AGMO: variants seen among roughly 807,000 people sequenced by gnomAD.
AGMO encodes the protein alkylglycerol monooxygenase, also known as glyceryl-ether monooxygenase.
In AGMO, 75 loss-of-function variants were observed where a neutral mutation model predicts 60.2. The ratio of observed to expected loss-of-function variants is 1.25; its 90% CI spans 1.03 to 1.51. The LOEUF is 1.51. AGMO is among the 40% of genes most tolerant of loss of function. AGMO has a pLI of 0.00. For synonymous variants in AGMO, 261 were observed against 177.1 expected (o/e 1.47, Z -3.76); for missense variants, 763 against 525.5 (o/e 1.45, Z -4.42).
chr7:15,406,291 T>C (rs1259268225), intron 5 of AGMO, among the ~76,000 whole-genome samples: 2 of 144,492 alleles, frequency 1.4e-5, no homozygotes, highest in Non-Finnish European at 3.0e-5. Context: ...CATATGTGTG[T>C]ATATATATGG....
At chr7:15,121,131 G>A in the AGMO span, among the ~76,000 whole-genome samples, 1 of 152,122 alleles carries the variant, frequency 6.6e-6, no homozygotes, top group Non-Finnish European at 1.5e-5. Flanking sequence ...CTTCATCCAT[G>A]TCCCTGCAAG....
intron 3 of AGMO, among the ~76,000 whole-genome samples, chr7:15,533,911 A>T (rs1051051400): frequency 6.6e-5 from 10 of 152,100 alleles, no homozygotes; most frequent in Admixed American, 2.0e-4. Context: ...TTAAAAGATG[A>T]TGTAGCACAA....
At chr7:15,262,451 A>G (rs1002237364) in intron 12 of AGMO, among the ~76,000 whole-genome samples, 1 of 152,124 alleles carries the variant, frequency 6.6e-6, no homozygotes, top group Non-Finnish European at 1.5e-5. Context: ...AAGAAAAACT[A>G]CAAGACACTG....
At chr7:15,478,353 G>C (rs1037352154) in intron 3 of AGMO, among the ~76,000 whole-genome samples, 2 of 151,986 alleles carry the variant, frequency 1.3e-5, no homozygotes, top group Non-Finnish European at 2.9e-5. Flanking sequence ...AATCTCCAAG[G>C]GTCTTTCTTT....
At chr7:15,172,173 C>T in the AGMO span, among the ~76,000 whole-genome samples, 1 of 152,140 alleles carries the variant, frequency 6.6e-6, no homozygotes, top group South Asian at 2.1e-4. Context: ...CTGAGGGTGT[C>T]CCATCCTCAG....
intron 3 of AGMO, among the ~76,000 whole-genome samples, chr7:15,491,090 A>G (rs1041028161): frequency 1.4e-4 from 22 of 152,200 alleles, no homozygotes; most frequent in African/African-American, 4.6e-4. Flanking sequence ...ATGGAATTAC[A>G]TTTATACACT....
downstream of AGMO, among the ~76,000 whole-genome samples, chr7:15,197,091 G>C (rs2115458580): frequency 6.6e-6 from 1 of 151,960 alleles, no homozygotes; most frequent in East Asian, 1.9e-4. Flanking sequence ...TTAAGATAGA[G>C]CCAAGCTGCT....
At chr7:15,365,690 T>A in intron 11 of AGMO, 71 bp from the exon 12 acceptor site, 1 of 1,023,678 alleles carries the variant, frequency 9.8e-7, no homozygotes, top group Non-Finnish European at 1.5e-6. Context: ...TTATAATTAA[T>A]ATAAACTTCT....
chr7:15,461,518 G>A (rs557575213), intron 3 of AGMO, among the ~76,000 whole-genome samples: 7 of 152,134 alleles, frequency 4.6e-5, no homozygotes, highest in African/African-American at 1.7e-4. Flanking sequence ...AAATTAGGAT[G>A]GTCATGAAGA....
chr7:15,495,866 C>T (rs140620096), intron 3 of AGMO, among the ~76,000 whole-genome samples: 3 of 138,906 alleles, frequency 2.2e-5, no homozygotes, highest in African/African-American at 7.7e-5. Context: ...CTCTCTCTCT[C>T]CTCTCTCTCT....
At chr7:15,443,522 G>T (rs1233382206) in intron 3 of AGMO, among the ~76,000 whole-genome samples, 3 of 151,948 alleles carry the variant, frequency 2.0e-5, no homozygotes, top group Non-Finnish European at 4.4e-5. Flanking sequence ...CCACTGCATT[G>T]TCAGCATCCT....
At chr7:15,408,621 T>A (rs1583520950) in intron 5 of AGMO, among the ~76,000 whole-genome samples, 2 of 151,820 alleles carry the variant, frequency 1.3e-5, no homozygotes, top group Admixed American at 6.6e-5. Flanking sequence ...CTGAGACATA[T>A]GACACCCTAG....
intron 12 of AGMO, among the ~76,000 whole-genome samples, chr7:15,360,663 G>T (rs10228003): frequency 1.6e-4 from 24 of 152,046 alleles, no homozygotes; most frequent in African/African-American, 5.8e-4. Context: ...TGGATGAGGT[G>T]TAAGGGGAGG....
At chr7:15,337,881 C>T (rs1781713379) in intron 12 of AGMO, among the ~76,000 whole-genome samples, 1 of 152,160 alleles carries the variant, frequency 6.6e-6, no homozygotes, top group South Asian at 2.1e-4. Context: ...CAAAAGGAAG[C>T]TTCTCTCCAG....
chr7:15,229,706 A>G (rs1782197173), intron 12 of AGMO, among the ~76,000 whole-genome samples: 1 of 133,202 alleles, frequency 7.5e-6, no homozygotes, highest in Non-Finnish European at 1.5e-5. Flanking sequence ...AATTATTTAT[A>G]TATATATTAT....
intron 4 of AGMO, among the ~76,000 whole-genome samples, chr7:15,419,741 C>T (rs1780874857): frequency 6.6e-6 from 1 of 151,770 alleles, no homozygotes; most frequent in Admixed American, 6.6e-5. Context: ...ATACTGGGCT[C>T]TCATTCAAGA....
At chr7:15,436,096 G>C (rs1476182715) in intron 3 of AGMO, among the ~76,000 whole-genome samples, 1 of 152,122 alleles carries the variant, frequency 6.6e-6, no homozygotes, top group African/African-American at 2.4e-5. Context: ...AAATATTATA[G>C]GCCTATTTGC....
chr7:15,391,587 C>A (rs1220070725), intron 6 of AGMO, among the ~76,000 whole-genome samples: 1 of 152,116 alleles, frequency 6.6e-6, no homozygotes, highest in Non-Finnish European at 1.5e-5. Context: ...GCCATTACCC[C>A]AAGAAGCTCA....
At chr7:15,549,520 G>A (rs1443280918) in intron 2 of AGMO, among the ~76,000 whole-genome samples, 2 of 151,866 alleles carry the variant, frequency 1.3e-5, no homozygotes, top group Non-Finnish European at 2.9e-5. Flanking sequence ...TGCAATCCTA[G>A]TCTCTGATAG....
Sources: allele counts gnomAD v4.1 joint callset (sites outside exome capture counted in the v4.1 genomes callset), GRCh38; gene constraint gnomAD v4.1.1; transcripts MANE v1.5; gene names NCBI Gene and HGNC (gene_info 2026-07-23, HGNC 2026-07-21).